SLC24A3: variants seen among roughly 807,000 people sequenced by gnomAD.
The protein encoded by SLC24A3 is sodium/potassium/calcium exchanger 3.
Under a neutral mutation model 75.8 loss-of-function variants are expected in SLC24A3, and 28 were observed. That is an observed-to-expected ratio of 0.37 (90% confidence interval 0.27 to 0.51). The LOEUF (loss-of-function observed/expected upper bound fraction) is 0.51. Ranked by LOEUF, SLC24A3 falls within the 20% of genes least tolerant of loss-of-function variation. SLC24A3 has a pLI of 0.94. For missense variants in SLC24A3, 663 were observed against 847.8 expected (o/e 0.78, Z 2.71); for synonymous variants, 372 against 334.1 (o/e 1.11, Z -1.24).
chr20:19,251,152 C>G (rs781547333), intron 1 of SLC24A3, among the ~76,000 whole-genome samples: 4 of 152,130 alleles, frequency 2.6e-5, no homozygotes, highest in African/African-American at 7.2e-5. Context: ...AATGGAAAAC[C>G]CAGCTCACCC....
chr20:19,517,332 T>A (rs2030015553), intron 3 of SLC24A3, among the ~76,000 whole-genome samples: 1 of 152,184 alleles, frequency 6.6e-6, no homozygotes, highest in South Asian at 2.1e-4. Context: ...TGAAGAGATG[T>A]TGTCGCCTGC....
intron 2 of SLC24A3, among the ~76,000 whole-genome samples, chr20:19,341,264 G>C (rs1777936683): frequency 6.6e-6 from 1 of 152,140 alleles, no homozygotes; most frequent in Admixed American, 6.6e-5. Flanking sequence ...AGTTCTCAGG[G>C]GCTTGTGACA....
intron 8 of SLC24A3, among the ~76,000 whole-genome samples, chr20:19,670,013 G>A (rs889705101): frequency 1.3e-5 from 2 of 152,170 alleles, no homozygotes; most frequent in African/African-American, 2.4e-5. Context: ...GTGAAAGGGC[G>A]AGAAAGGGGA....
intron 16 of SLC24A3, among the ~76,000 whole-genome samples, chr20:19,719,641 G>C (rs1483684402): frequency 6.6e-6 from 1 of 152,188 alleles, no homozygotes; most frequent in Non-Finnish European, 1.5e-5. Context: ...GATGCCTGCT[G>C]AAAAGCATGA....
chr20:19,431,608 A>G (rs1997787), intron 2 of SLC24A3, among the ~76,000 whole-genome samples: 6,727 of 152,150 alleles, frequency 0.044, 631 homozygotes, highest in East Asian at 0.42. Context: ...CTACTGAGCA[A>G]TTGGAGGAGG....
chr20:19,310,477 G>C (rs1380200634), intron 2 of SLC24A3, among the ~76,000 whole-genome samples: 1 of 152,216 alleles, frequency 6.6e-6, no homozygotes, highest in East Asian at 1.9e-4. Flanking sequence ...ATGAGAGCTT[G>C]AGAAATGAGA....
intron 3 of SLC24A3, among the ~76,000 whole-genome samples, chr20:19,547,753 G>A (rs972888418): frequency 6.6e-5 from 10 of 152,214 alleles, no homozygotes; most frequent in Admixed American, 6.5e-4. Context: ...TGCTGAAACT[G>A]CAGTTCCTTT....
At position 19,531,671 on chromosome 20, in the gene SLC24A3, C is replaced by T. The variant is rs565221530; in HGVS notation, c.348+16107C>T. 1.2e-4 allele frequency among the ~76,000 whole-genome samples: 18 copies of T among 152,246 alleles called. No individual in the cohort carries two copies. The South Asian group carries it at 2.7e-3, about 23-fold the overall frequency. On this transcript the variant is annotated intron_variant, in intron 3 of 16. Coordinates refer to ENST00000328041, the MANE Select transcript of SLC24A3 (RefSeq NM_020689.4). Reference sequence around the variant, plus strand: ...GGTTCAATCAAACAAAGAAGTATTACGAAGAGCTTTGGAAACCAGTGATGC... The same window carrying T: ...GGTTCAATCAAACAAAGAAGTATTATGAAGAGCTTTGGAAACCAGTGATGC...
chr20:19,623,491 A>G (rs904260503), intron 6 of SLC24A3, among the ~76,000 whole-genome samples: 6 of 152,178 alleles, frequency 3.9e-5, no homozygotes, highest in African/African-American at 1.2e-4. Context: ...TTCAGAATGT[A>G]TTGGGGTTGG....
chr20:19,584,978 A>G lies in SLC24A3; in HGVS notation c.431A>G (p.His144Arg). Residue 144 changes from histidine (H) to arginine (R), a missense_variant, in exon 5 of 17, where the codon CAC becomes CGC. Physicochemically the swap from His to Arg is conservative, Grantham distance 29 (BLOSUM62 0). Around this residue, in one of 2 missense-constraint regions of SLC24A3, gnomAD observed 510 missense variants for 703.6 expected, o/e 0.72. Transcript: ENST00000328041. The part of the protein sequence containing the change: ...PSLEKICERL[H>R]LSEDVAGATF... ...GTCTTTGCTCCTCTGTAGCGCCTGCACCTCAGTGAAGATGTGGCTGGGGCC... is the reference window on the plus strand; with the variant it reads ...GTCTTTGCTCCTCTGTAGCGCCTGCGCCTCAGTGAAGATGTGGCTGGGGCC... 1 of 1,613,510 alleles carries G rather than the reference A, an allele frequency of 6.2e-7. No individual in the cohort carries two copies. The highest frequency in any genetic ancestry group is 8.5e-7 in the Non-Finnish European group (1 of 1,179,536).
At chr20:19,536,534 T>C (rs1240447194) in intron 3 of SLC24A3, among the ~76,000 whole-genome samples, 1 of 152,060 alleles carries the variant, frequency 6.6e-6, no homozygotes, top group Non-Finnish European at 1.5e-5. Context: ...ACTTTAAAGT[T>C]CATATGGAAC....
At chr20:19,634,026 GAA>G (rs1336724111) in intron 6 of SLC24A3, among the ~76,000 whole-genome samples, 1 of 151,898 alleles carries the variant, frequency 6.6e-6, no homozygotes, top group Non-Finnish European at 1.5e-5. Flanking sequence ...ATGTTTATAA[GAA>G]AAAAAATTCT....
intron 3 of SLC24A3, among the ~76,000 whole-genome samples, chr20:19,566,193 C>G (rs1020522391): frequency 6.6e-6 from 1 of 152,234 alleles, no homozygotes; most frequent in Non-Finnish European, 1.5e-5. Context: ...GGAGAAGGAT[C>G]TGAGAACAGA....
chr20:19,601,973 G>A (rs1176455842), intron 6 of SLC24A3, among the ~76,000 whole-genome samples: 3 of 152,108 alleles, frequency 2.0e-5, no homozygotes, highest in African/African-American at 7.2e-5. Context: ...AGGAGTTCGA[G>A]ACCAGCCTGG....
intron 14 of SLC24A3, 57 bp downstream of exon 14, chr20:19,696,968 AAGAAG>A (rs1269205353): frequency 2.5e-5 from 8 of 316,084 alleles, no homozygotes; most frequent in African/African-American, 2.1e-4. Context: ...AGAGGGAGGG[AAGAAG>A]GGAGGGAGGG....
chr20:19,399,732 A>G (rs1267367152), intron 2 of SLC24A3, among the ~76,000 whole-genome samples: 1 of 152,150 alleles, frequency 6.6e-6, no homozygotes, highest in Non-Finnish European at 1.5e-5. Flanking sequence ...CTGTTGTTGG[A>G]TGGAGTGTTT....
At chr20:19,595,901 A>G (rs1317626757) in intron 6 of SLC24A3, among the ~76,000 whole-genome samples, 1 of 152,160 alleles carries the variant, frequency 6.6e-6, no homozygotes, top group African/African-American at 2.4e-5. Flanking sequence ...ATCAAGATCT[A>G]GGAGAAGAAA....
chr20:19,687,718 C>G (rs2032694494), intron 12 of SLC24A3, among the ~76,000 whole-genome samples: 1 of 152,164 alleles, frequency 6.6e-6, no homozygotes, highest in African/African-American at 2.4e-5. Context: ...TGGCCCAGTG[C>G]CTGGGCCTCG....
chr20:19,692,186 T>C (rs1393253168), intron 12 of SLC24A3, among the ~76,000 whole-genome samples: 1 of 152,210 alleles, frequency 6.6e-6, no homozygotes, highest in African/African-American at 2.4e-5. Flanking sequence ...TTAACTCTGG[T>C]GGGAATATAA....
Sources: gnomAD v4.1 joint callset for allele counts (sites outside exome capture counted in the v4.1 genomes callset) on GRCh38, gnomAD v4.1.1 for gene constraint, gnomAD v4.1.1 regional missense constraint, MANE v1.5 for transcripts, NCBI Gene and HGNC (gene_info 2026-07-23, HGNC 2026-07-21) for gene names.